PPFIA4: variants seen among roughly 807,000 people sequenced by gnomAD.
PPFIA4 encodes PPFI scaffold protein A4, also known as liprin-alpha-4.
In PPFIA4, 98 loss-of-function variants were observed where a neutral mutation model predicts 145.7. The ratio of observed to expected loss-of-function variants is 0.67; its 90% CI spans 0.57 to 0.80. The LOEUF (loss-of-function observed/expected upper bound fraction) is 0.80, where lower values mean the gene tolerates loss of function less well. Among genes scored for constraint, PPFIA4 ranks in the 30% least tolerant of loss-of-function variants. The pLI, the probability that PPFIA4 is intolerant of heterozygous loss-of-function variation, is 0.00. For synonymous variants in PPFIA4, 628 were observed against 649.6 expected (o/e 0.97, Z 0.51); for missense variants, 1,457 against 1,632.7 (o/e 0.89, Z 1.85).
At chr1:203,074,555 A>G (rs1297889542) in intron 28 of PPFIA4, among the ~76,000 whole-genome samples, 1 of 152,140 alleles carries the variant, frequency 6.6e-6, no homozygotes, top group African/African-American at 2.4e-5. Context: ...CTGAGAATTT[A>G]TCAGAGCATT....
rs532228329 is a variant in PPFIA4, at chr1:203,039,902, G to A, written c.234+660G>A. Among the ~76,000 whole-genome samples the A allele has an allele frequency of 5.8e-3, 885 of 152,356 alleles. 4 individuals carry two copies. Among genetic ancestry groups the A allele is most frequent in the Non-Finnish European group, 7.3e-3 (497 of 68,032 alleles). On this transcript the variant is annotated intron_variant, in intron 2 of 29. Coordinates refer to ENST00000295706, the MANE Select transcript of PPFIA4 (RefSeq NM_001304331.2). ...GAACTAAAGCTGGGGAGATGAGTAA[G>A]TTGCTCGTGGCCATGCAGGTAGTGT...
intron 7 of PPFIA4, 32 bp from the exon 8 acceptor site, chr1:203,045,809 G>A (rs1660040256): frequency 5.0e-6 from 8 of 1,612,584 alleles, no homozygotes; most frequent in Non-Finnish European, 6.8e-6. Context: ...GGAAAGGCTG[G>A]TTACCGTCCT....
chr1:203,031,230 A>G (rs138762373), intron 1 of PPFIA4, among the ~76,000 whole-genome samples: 128 of 152,040 alleles, frequency 8.4e-4, no homozygotes, highest in African/African-American at 2.8e-3. Flanking sequence ...GCTAGTTTTC[A>G]TATTTTTAGT....
intron 2 of PPFIA4, among the ~76,000 whole-genome samples, chr1:203,039,905 G>T (rs774632633): frequency 2.0e-5 from 3 of 152,232 alleles, no homozygotes; most frequent in Non-Finnish European, 4.4e-5. Context: ...TGAGTAAGTT[G>T]CTCGTGGCCA....
At chr1:203,050,879 CT>C (rs55718337) in intron 13 of PPFIA4, among the ~76,000 whole-genome samples, 2,447 of 144,376 alleles carry the variant, frequency 0.017, 20 homozygotes, top group Non-Finnish European at 0.024. Flanking sequence ...CACTGCTTGG[CT>C]TTTTTTTTTT....
At chr1:203,073,009 T>A (rs546186714) in intron 28 of PPFIA4, among the ~76,000 whole-genome samples, 7 of 152,082 alleles carry the variant, frequency 4.6e-5, no homozygotes, top group African/African-American at 1.7e-4. Flanking sequence ...TTTGTTGCTG[T>A]CTGGAGAAAT....
In PPFIA4 at chr1:203,060,079, G is replaced by T; in HGVS notation, c.2584-138G>T. ...TGTAAAATGGGAGAGTGAGGGGTTTGATGACCGCCACATTCCTATGATCTG... is the reference window on the plus strand; with the variant it reads ...TGTAAAATGGGAGAGTGAGGGGTTTTATGACCGCCACATTCCTATGATCTG... On this transcript the variant is annotated intron_variant, in intron 21 of 29. Coordinates refer to ENST00000295706, the MANE Select transcript of PPFIA4 (RefSeq NM_001304331.2). This position sits in a 1 kb window ranked among gnomAD's most constrained non-coding sequence, Gnocchi z 4.8. The T allele has an allele frequency of 1.2e-6, 1 of 851,758 alleles. No homozygotes were observed. The highest frequency in any genetic ancestry group is 1.7e-5 in the South Asian group (1 of 60,082). 52.8% of individuals were successfully genotyped at this position (851,758 alleles called of 1,614,324 possible).
chr1:203,051,731 T>C, intron 13 of PPFIA4, 38 bp from the exon 14 acceptor site: 1 of 1,577,820 alleles, frequency 6.3e-7, no homozygotes, highest in Non-Finnish European at 8.6e-7. Context: ...GTCTCAGTCC[T>C]CAGGGCCTGT....
At position 203,060,608 on chromosome 1, in the gene PPFIA4, C is replaced by G. The variant is rs1661295270; in HGVS notation, c.2784+191C>G. Reference sequence around the variant, plus strand: ...AGGAGGATACCAGCAGCCTTGGTTCCCTGCCTTTCACATACCACCCATGGG... The same window carrying G: ...AGGAGGATACCAGCAGCCTTGGTTCGCTGCCTTTCACATACCACCCATGGG... On this transcript the variant is annotated intron_variant, in intron 22 of 29. Coordinates refer to ENST00000295706, the MANE Select transcript of PPFIA4 (RefSeq NM_001304331.2). The surrounding 1 kb of genome is among the most constrained non-coding windows in gnomAD (Gnocchi z 4.8). Among the ~76,000 whole-genome samples, 1 of 152,176 alleles carries G rather than the reference C, an allele frequency of 6.6e-6. No individual in the cohort carries two copies. The highest frequency in any genetic ancestry group is 2.1e-4 in the South Asian group (1 of 4,832).
Position 203,059,218 on chromosome 1 carries a change from G to A in PPFIA4, c.2448G>A (p.Met816Ile). The stretch of plus-strand genomic sequence containing the variant: ...CCGAATTCAGTATGCAGGAGCCTAT[G>A]GTGCCTGCCAAGCTGGGGACCCAGG... ...TDSEFSMQEPMVPAKLGTQAE... is the reference protein window; with the variant it reads ...TDSEFSMQEPIVPAKLGTQAE... The change falls in exon 20 of 30, where the codon ATG becomes ATA. Residue 816 changes from methionine (M) to isoleucine (I), a missense_variant. Met to Ile is a conservative substitution (Grantham distance 10). This residue lies in a region of PPFIA4 where 848 missense variants were observed against 1,046.7 expected (regional missense o/e 0.81). Coordinates refer to ENST00000295706, the MANE Select transcript of PPFIA4 (RefSeq NM_001304331.2). The A allele has an allele frequency of 6.4e-7, 1 of 1,556,948 alleles. No individual in the cohort carries two copies. The highest frequency in any genetic ancestry group is 8.7e-7 in the Non-Finnish European group (1 of 1,143,000).
intron 25 of PPFIA4, among the ~76,000 whole-genome samples, chr1:203,066,405 A>C (rs1661733554): frequency 6.6e-6 from 1 of 152,260 alleles, no homozygotes; most frequent in African/African-American, 2.4e-5. Flanking sequence ...CAGTGCCCTC[A>C]ATAAGAGTCA....
intron 29 of PPFIA4, chr1:203,076,068 T>G: frequency 1.7e-6 from 1 of 586,454 alleles, no homozygotes. Context: ...GGAGTGCCCG[T>G]GGCTCGGGGT....
Position 203,055,604 on chromosome 1 carries a change from C to T in PPFIA4, c.2002C>T (p.Arg668Cys), listed in dbSNP as rs771951364. Residue 668 changes from arginine to cysteine, a missense_variant, in exon 16 of 30, where the codon CGC becomes TGC. Physicochemically the swap from Arg to Cys is radical, Grantham distance 180. This residue lies in a region of PPFIA4 where 848 missense variants were observed against 1,046.7 expected (regional missense o/e 0.81). Coordinates refer to ENST00000295706, the MANE Select transcript of PPFIA4 (RefSeq NM_001304331.2). This position sits in a 1 kb window ranked among gnomAD's most constrained non-coding sequence, Gnocchi z 4.8. ...CAGCGCGTCCCCACCACTCAGCGGC[C>T]GCTCCACACCTAAGCTCACCTCCCG... ...LASASPPLSG[R>C]STPKLTSRSA... The T allele has an allele frequency of 3.0e-5, 49 of 1,613,896 alleles. No homozygotes were observed. The highest frequency in any genetic ancestry group is 4.0e-5 in the African/African-American group (3 of 74,924).
In PPFIA4 at chr1:203,039,326, A is replaced by G. The variant is rs1331790824; in HGVS notation, c.234+84A>G. The G allele has an allele frequency of 3.2e-6, 3 of 950,638 alleles. No individual in the cohort carries two copies. The Admixed American group carries it at 9.3e-5, about 30-fold the overall frequency. The allele number at this position is 950,638 out of a possible 1,614,324, so 58.9% of individuals were successfully genotyped here. On this transcript the variant is annotated intron_variant, in intron 2 of 29. Coordinates refer to ENST00000295706, the MANE Select transcript of PPFIA4 (RefSeq NM_001304331.2). ...TCCACTGGGCCCTCAGCTCATCTGC[A>G]TCTATTTGCATATCAATAATTGGAA... is the stretch of plus-strand genomic sequence containing the variant.
chr1:203,066,156 A>T lies in PPFIA4; in HGVS notation c.3051-1539A>T, dbSNP rs894958826. 2.6e-5 allele frequency among the ~76,000 whole-genome samples: 4 copies of T among 152,336 alleles called. No homozygotes were observed. The South Asian group carries it at 8.3e-4, about 32-fold the overall frequency. On this transcript the variant is annotated intron_variant, in intron 25 of 29. Coordinates refer to ENST00000295706, the MANE Select transcript of PPFIA4 (RefSeq NM_001304331.2). ...TTTGAAAGGAACTGGACTGAAAATT[A>T]TAGTGAGTGAGATTGAAATTAGACA... is the stretch of plus-strand genomic sequence containing the variant.
intron 1 of PPFIA4, among the ~76,000 whole-genome samples, chr1:203,028,856 C>G (rs770441238): frequency 2.0e-5 from 3 of 152,142 alleles, no homozygotes; most frequent in Non-Finnish European, 2.9e-5. Flanking sequence ...CTGTCCCCCT[C>G]TGGCCTGCTA....
At position 203,076,714 on chromosome 1, in the gene PPFIA4, A is replaced by G. The variant is rs993016003; in HGVS notation, c.*324A>G. The G allele has an allele frequency of 4.8e-6, 2 of 413,938 alleles. No individual in the cohort carries two copies. The highest frequency in any genetic ancestry group is 8.9e-6 in the Non-Finnish European group (2 of 224,450). 25.6% of individuals were successfully genotyped at this position (413,938 alleles called of 1,614,324 possible). ...AAGCCACCCTTCCTCTTCTGGACCC[A>G]GCCTGGTCTGCACTGCAACCTCCAC... On this transcript the variant is annotated 3_prime_UTR_variant, in exon 30 of 30. Coordinates refer to ENST00000295706, the MANE Select transcript of PPFIA4 (RefSeq NM_001304331.2).
chr1:203,036,409 G>T (rs1238279016), intron 1 of PPFIA4, among the ~76,000 whole-genome samples: 1 of 152,214 alleles, frequency 6.6e-6, no homozygotes, highest in Non-Finnish European at 1.5e-5. Flanking sequence ...CTGGGGATCT[G>T]CTGGGCTGGG....
chr1:203,044,825 C>T (rs1343301418), intron 6 of PPFIA4, 40 bp downstream of exon 6: 1 of 1,535,636 alleles, frequency 6.5e-7, no homozygotes, highest in Middle Eastern at 1.8e-4. Context: ...TCATGTGTTC[C>T]CCAAGGTGGG....
Sources: allele counts gnomAD v4.1 joint callset (sites outside exome capture counted in the v4.1 genomes callset), GRCh38; gene constraint gnomAD v4.1.1; regional missense constraint gnomAD v4.1.1; non-coding constraint Gnocchi (gnomAD v3.1); transcripts MANE v1.5; gene names NCBI Gene and HGNC (gene_info 2026-07-23, HGNC 2026-07-21).